Variants in NOP14 observed in about 807,000 individuals in gnomAD.
NOP14 encodes the protein NOP14 nucleolar protein, also known as nucleolar protein 14.
In NOP14, 57 loss-of-function variants were observed where a neutral mutation model predicts 101.6. That is an observed-to-expected ratio of 0.56 (90% CI 0.45 to 0.70). NOP14 has a LOEUF of 0.70. NOP14 is among the 30% of genes least tolerant of loss of function. The probability of loss-of-function intolerance (pLI) is 0.00; values close to 1 mark genes in which losing one functional copy is unlikely to be tolerated. For synonymous variants in NOP14, 428 were observed against 424.0 expected (o/e 1.01, Z -0.12); for missense variants, 1,134 against 1,075.5 (o/e 1.05, Z -0.76).
Position 2,945,165 on chromosome 4 carries a change from G to C in NOP14, c.1700C>G (p.Thr567Ser). 1 of 1,593,072 alleles carries C rather than the reference G, an allele frequency of 6.3e-7. No homozygotes were observed. Among genetic ancestry groups the C allele is most frequent in the Non-Finnish European group, 8.5e-7 (1 of 1,169,630 alleles). ...CTGACTGAGGCACACGAGGGCAGGG[G>C]TCACCACTGGGTGCCAGAAGTCGGA... ...PTSDFWHPVV[T>S]PALVCLSQLL... Residue 567 changes from threonine (T) to serine (S), a missense_variant, in exon 12 of 18, where the codon ACC becomes AGC. Thr to Ser is a moderately conservative substitution (Grantham distance 58). Transcript: ENST00000416614.
rs996005258 is a variant in NOP14 at position 2,938,128 on chromosome 4, A to G, written c.*703T>C. 20 of 1,151,784 alleles carry G rather than the reference A, an allele frequency of 1.7e-5. No homozygotes were observed. The highest frequency in any genetic ancestry group is 1.0e-4 in the Admixed American group (4 of 39,748). The allele number at this position is 1,151,784 out of a possible 1,614,324, so 71.3% of individuals were successfully genotyped here. ...ATCCCAGAGGTGCATTTCAGGATTC[A>G]TTCTATTTCATCAGGTGACGTTTTA... On this transcript the variant is annotated 3_prime_UTR_variant, in exon 18 of 18. Transcript: ENST00000416614.
At position 2,957,587 on chromosome 4, in the gene NOP14, C is replaced by T. The variant is rs756850995; in HGVS notation, c.330+19G>A. ...TGTGAAATGTACAGCAAAAACCCTCCTCCAGTTTCTTTCCATACCTGCTGT... is the reference window on the plus strand; with the variant it reads ...TGTGAAATGTACAGCAAAAACCCTCTTCCAGTTTCTTTCCATACCTGCTGT... On this transcript the variant is annotated intron_variant, in intron 2 of 17. Coordinates refer to ENST00000416614, the MANE Select transcript of NOP14 (RefSeq NM_001291978.2). 2 of 1,613,132 alleles carry T rather than the reference C, an allele frequency of 1.2e-6. No homozygotes were observed. Among genetic ancestry groups the T allele is most frequent in the Non-Finnish European group, 1.7e-6 (2 of 1,179,564 alleles).
rs1490402860 is a variant in NOP14 at position 2,954,702 on chromosome 4, GC to G, written c.473-140del. On this transcript the variant is annotated intron_variant, in intron 3 of 17. Transcript: ENST00000416614. ...GAGAAAAAAATGCTCACACGCAACA[GC>G]CTGGCCTGAGACCACAGGCACAATG... is the stretch of plus-strand genomic sequence containing the variant. 2.8e-6 allele frequency: 3 copies of G among 1,052,756 alleles called. No individual in the cohort carries two copies. The East Asian group carries it at 7.9e-5, about 28-fold the overall frequency. The allele number at this position is 1,052,756 out of a possible 1,614,324, so 65.2% of individuals were successfully genotyped here.
At chr4:2,942,944 G>C (rs115947288) in intron 13 of NOP14, among the ~76,000 whole-genome samples, 4 of 152,172 alleles carry the variant, frequency 2.6e-5, no homozygotes, top group Non-Finnish European at 4.4e-5. Flanking sequence ...CAGAGGTGCC[G>C]GGCCAAGCGA....
At position 2,939,428 on chromosome 4, in the gene NOP14, C is replaced by G. The variant is rs556699185; in HGVS notation, c.2319-85G>C. 3.2e-5 allele frequency: 52 copies of G among 1,602,144 alleles called. No individual in the cohort carries two copies. The East Asian group carries it at 1.1e-3, about 32-fold the overall frequency. On this transcript the variant is annotated intron_variant, in intron 16 of 17. Transcript: ENST00000416614. ...CCTGCTTGGGAGTGTGGCTTCACTC[C>G]GTAGTCATCTGCTCAACTGCAGAAC...
rs766210146 is a variant in NOP14 at position 2,944,219 on chromosome 4, A to C, written c.1745T>G (p.Ile582Ser). Residue 582 changes from isoleucine to serine, a missense_variant, in exon 13 of 18, where the codon ATC becomes AGC. Coordinates refer to ENST00000416614, the MANE Select transcript of NOP14 (RefSeq NM_001291978.2). ...CTTCACCACGTCCTGGAGGGACAGG[A>C]TGGGGCACTGGAAAGGAACATATGG... ...CLSQLLTKCP[I>S]LSLQDVVKGL... The C allele has an allele frequency of 1.9e-6, 3 of 1,612,108 alleles. No individual in the cohort carries two copies. In the Admixed American group the frequency reaches 5.0e-5, roughly 27 times the overall value.
intron 10 of NOP14, chr4:2,947,020 A>G: frequency 4.7e-6 from 1 of 212,422 alleles, no homozygotes; most frequent in Non-Finnish European, 9.5e-6. Context: ...GCATTCTTCC[A>G]GCCACCAGCC....
In NOP14 at chr4:2,938,609, A is replaced by AG; in HGVS notation, c.*221dup. The stretch of plus-strand genomic sequence containing the variant: ...CTGTAACCTTGGACTCAGCTCAAGC[A>AG]GTCCTCCTGCTTCAGCCTCCCGAGT... On this transcript the variant is annotated 3_prime_UTR_variant, in exon 18 of 18. Coordinates refer to ENST00000416614, the MANE Select transcript of NOP14 (RefSeq NM_001291978.2). 1.8e-6 allele frequency: 1 copy of AG among 546,116 alleles called. No individual in the cohort carries two copies. Among genetic ancestry groups the AG allele is most frequent in the Non-Finnish European group, 3.3e-6 (1 of 307,588 alleles). The allele number at this position is 546,116 out of a possible 1,614,324, so 33.8% of individuals were successfully genotyped here.
At chr4:2,958,708 G>A (rs759326477) in intron 1 of NOP14, among the ~76,000 whole-genome samples, 4 of 152,204 alleles carry the variant, frequency 2.6e-5, no homozygotes, top group South Asian at 2.1e-4. Context: ...GAATGCGTGC[G>A]TGTGGCAGGA....
At position 2,948,367 on chromosome 4, in the gene NOP14, TTCC is replaced by T; in HGVS notation, c.1321_1323del (p.Gly441del). 6.2e-7 allele frequency: 1 copy of T among 1,612,982 alleles called. No homozygotes were observed. Among genetic ancestry groups the T allele is most frequent in the South Asian group, 1.1e-5 (1 of 90,924 alleles). On this transcript the variant is annotated inframe_deletion, in exon 9 of 18. Transcript: ENST00000416614. ...ACCAAAAGCTGCTCTTCCATCGATC[TTCC>T]TAACAACAGAGATCTCAGTTCCTCA...
chr4:2,944,697 G>T (rs975691047), intron 12 of NOP14, among the ~76,000 whole-genome samples: 1 of 152,200 alleles, frequency 6.6e-6, no homozygotes, highest in African/African-American at 2.4e-5. Flanking sequence ...GTGAGCCACC[G>T]CGCCTGGCCA....
chr4:2,938,864 C>T lies in NOP14; in HGVS notation c.2541G>A (p.Trp847Ter). 1.9e-6 allele frequency: 3 copies of T among 1,614,110 alleles called. No homozygotes were observed. Among genetic ancestry groups the T allele is most frequent in the Non-Finnish European group, 2.5e-6 (3 of 1,179,974 alleles). ...TGAACTTTTTCCTCTTCAGAGCCTTCCATTCGCCTTCCTGTGTAGCCAGGC... is the reference window on the plus strand; with the variant it reads ...TGAACTTTTTCCTCTTCAGAGCCTTTCATTCGCCTTCCTGTGTAGCCAGGC... ...FNSLATQEGE[W>*]KALKRKKFKK is the part of the protein sequence containing the mutation. Residue 847 changes from tryptophan (W) to a stop codon, truncating the protein, a stop_gained, in exon 18 of 18, where the codon TGG becomes TGA. Coordinates refer to ENST00000416614, the MANE Select transcript of NOP14 (RefSeq NM_001291978.2). LOFTEE classifies it high-confidence loss of function.
At position 2,951,153 on chromosome 4, in the gene NOP14, G is replaced by A. The variant is rs748808377; in HGVS notation, c.963C>T (p.Phe321=). 9.9e-6 allele frequency: 16 copies of A among 1,613,838 alleles called. No homozygotes were observed. Among genetic ancestry groups the A allele is most frequent in the East Asian group, 8.9e-5 (4 of 44,880 alleles). ...AACGCCTGTCATCTTTATCTAGCAC[G>A]AAGCCATCATTCAGATCATCTGCTG... ...HMSADDLNDG[F]VLDKDDRRLL... The change falls in exon 7 of 18, where the codon TTC becomes TTT. Residue 321 remains phenylalanine (F), a synonymous_variant. Transcript: ENST00000416614.
Position 2,950,000 on chromosome 4 carries a change from C to A in NOP14, c.1216G>T (p.Gly406Trp). Reference sequence around the variant, plus strand: ...GCTCTTTCCTTGCCGCTTATCAACCCTTTCCCAGGAGTCTGCCTCTGCTCT... The same window carrying A: ...GCTCTTTCCTTGCCGCTTATCAACCATTTCCCAGGAGTCTGCCTCTGCTCT... ...AKEQRQTPGK[G>W]LISGKERAGK... Residue 406 changes from glycine to tryptophan, a missense_variant, in exon 8 of 18, where the codon GGG (glycine) becomes TGG (tryptophan). By Grantham distance (184) the Gly-to-Trp change is radical. Coordinates refer to ENST00000416614, the MANE Select transcript of NOP14 (RefSeq NM_001291978.2). 6.2e-7 allele frequency: 1 copy of A among 1,614,172 alleles called. No homozygotes were observed. The highest frequency in any genetic ancestry group is 1.1e-5 in the South Asian group (1 of 91,082).
intron 14 of NOP14, 139 bp from the exon 15 acceptor site, chr4:2,941,868 G>A (rs1389823857): frequency 9.7e-7 from 1 of 1,030,666 alleles, no homozygotes; most frequent in African/African-American, 1.6e-5. Flanking sequence ...CCAGGGTTGG[G>A]CCCATGCAAC....
Position 2,938,755 on chromosome 4 carries a change from G to A in NOP14, c.*76C>T. 7 of 1,226,714 alleles carry A rather than the reference G, an allele frequency of 5.7e-6. No homozygotes were observed. In the South Asian group the frequency reaches 8.9e-5, roughly 16 times the overall value. The allele number at this position is 1,226,714 out of a possible 1,614,324, so 76.0% of individuals were successfully genotyped here. On this transcript the variant is annotated 3_prime_UTR_variant, in exon 18 of 18. Coordinates refer to ENST00000416614, the MANE Select transcript of NOP14 (RefSeq NM_001291978.2). The stretch of plus-strand genomic sequence containing the variant: ...ACTCCTGGGCTGAAGCAATCTTCCT[G>A]CCTTGGCCTCCCAGAGGGTTGGAAT...
At chr4:2,942,476 G>T in intron 13 of NOP14, 125 bp from the exon 14 acceptor site, 1 of 1,026,504 alleles carries the variant, frequency 9.7e-7, no homozygotes. Flanking sequence ...ATGTTTCTGG[G>T]TTGTGCCAGA....
intron 4 of NOP14, 80 bp from the exon 5 acceptor site, chr4:2,953,725 A>T: frequency 6.5e-7 from 1 of 1,527,616 alleles, no homozygotes. Flanking sequence ...AGTGCCAAGG[A>T]CACACACAGT....
At chr4:2,940,977 C>T (rs1177866818) in intron 15 of NOP14, 1 of 150,998 alleles carries the variant, frequency 6.6e-6, no homozygotes, top group African/African-American at 2.6e-5. Context: ...CAGCAGCATC[C>T]TGGGCTGGTG....
Sources: gnomAD v4.1 joint callset for allele counts (sites outside exome capture counted in the v4.1 genomes callset) on GRCh38, gnomAD v4.1.1 for gene constraint, MANE v1.5 for transcripts, NCBI Gene and HGNC (gene_info 2026-07-23, HGNC 2026-07-21) for gene names.